ANKFY1: variants seen among roughly 807,000 people sequenced by gnomAD.
ANKFY1 encodes the protein ankyrin repeat and FYVE domain containing 1, also known as ankyrin repeat and FYVE domain-containing protein 1.
ANKFY1 carries 47 observed loss-of-function variants against 128.3 expected under a neutral mutation model. The ratio of observed to expected loss-of-function variants is 0.37; its 90% CI spans 0.29 to 0.47. ANKFY1 has a LOEUF of 0.47. ANKFY1 is among the 20% of genes least tolerant of loss of function. The pLI, the probability that ANKFY1 is intolerant of heterozygous loss-of-function variation, is 1.00. For synonymous variants in ANKFY1, 553 were observed against 601.6 expected (o/e 0.92, Z 1.18); for missense variants, 1,222 against 1,510.6 (o/e 0.81, Z 3.17).
rs751393460 is a variant in ANKFY1, at chr17:4,195,437, C to T, written c.1138G>A (p.Glu380Lys). The T allele has an allele frequency of 1.4e-5, 22 of 1,614,182 alleles. No homozygotes were observed. Among genetic ancestry groups the T allele is most frequent in the Non-Finnish European group, 1.8e-5 (21 of 1,180,024 alleles). The change falls in exon 9 of 25, where the codon GAA becomes AAA. Residue 380 changes from glutamate (E) to lysine (K), a missense_variant. Glu to Lys is a moderately conservative substitution (Grantham distance 56). Transcript: ENST00000341657. ...TGCAGCAGCTGACTGAACACATATT[C>T]ATTCCCGGCCATGATGGACACATGT... Reference protein sequence around the residue: ...PLHVSIMAGNEYVFSQLLQCK... With the variant: ...PLHVSIMAGNKYVFSQLLQCK...
chr17:4,219,701 G>C (rs1406975992), intron 3 of ANKFY1, among the ~76,000 whole-genome samples: 2 of 149,738 alleles, frequency 1.3e-5, no homozygotes, highest in Admixed American at 1.3e-4. Context: ...AAAACAACCA[G>C]ATATTAAAAG....
chr17:4,241,946 G>A (rs1033438804), intron 2 of ANKFY1, among the ~76,000 whole-genome samples: 5 of 151,698 alleles, frequency 3.3e-5, no homozygotes, highest in South Asian at 4.2e-4. Flanking sequence ...AAAATTAGCC[G>A]GGCACGGTGG....
At chr17:4,199,243 G>A (rs1280294537) in intron 7 of ANKFY1, among the ~76,000 whole-genome samples, 3 of 152,214 alleles carry the variant, frequency 2.0e-5, no homozygotes, top group African/African-American at 4.8e-5. Flanking sequence ...CCAGGCTGGT[G>A]CACTGGCACG....
chr17:4,252,127 G>A (rs1354344435), intron 1 of ANKFY1, among the ~76,000 whole-genome samples: 1 of 151,812 alleles, frequency 6.6e-6, no homozygotes, highest in African/African-American at 2.4e-5. Context: ...AAAAAAACTG[G>A]AGAGTTCACC....
chr17:4,172,810 C>A (rs1042624738), intron 21 of ANKFY1, 130 bp from the exon 22 acceptor site: 1 of 1,309,510 alleles, frequency 7.6e-7, no homozygotes, highest in East Asian at 2.4e-5. Flanking sequence ...AAAAGTTTTT[C>A]TTTTTCTTAT....
intron 21 of ANKFY1, among the ~76,000 whole-genome samples, chr17:4,172,953 G>A (rs554809626): frequency 1.3e-5 from 2 of 152,164 alleles, no homozygotes; most frequent in Admixed American, 1.3e-4. Context: ...TCCGCCTCCC[G>A]GGTTCACGCC....
At chr17:4,176,167 C>T (rs543349954) in intron 19 of ANKFY1, among the ~76,000 whole-genome samples, 3 of 152,322 alleles carry the variant, frequency 2.0e-5, no homozygotes, top group Non-Finnish European at 4.4e-5. Context: ...CTGGTGAGCC[C>T]GCCCCACACC....
Position 4,208,041 on chromosome 17 carries a change from C to T in ANKFY1, c.624G>A (p.Gln208=). ...RKEDFSSMSA[Q]LLYKMIKSKT... ...TGGATTTGATCATTTTGTATAACAA[C>T]TGAGCGCTCATGCTGCTGAAATCCT... Residue 208 remains glutamine, a synonymous_variant, in exon 6 of 25, where the codon CAG becomes CAA. Transcript: ENST00000341657. 2 of 1,610,728 alleles carry T rather than the reference C, an allele frequency of 1.2e-6. No homozygotes were observed. Among genetic ancestry groups the T allele is most frequent in the Non-Finnish European group, 1.7e-6 (2 of 1,178,728 alleles).
chr17:4,174,892 A>T lies in ANKFY1; in HGVS notation c.2776-836T>A, dbSNP rs562884658. Among the ~76,000 whole-genome samples, 8 of 151,636 alleles carry T rather than the reference A, an allele frequency of 5.3e-5. No individual in the cohort carries two copies. In the South Asian group the frequency reaches 1.7e-3, roughly 32 times the overall value. On this transcript the variant is annotated intron_variant, in intron 19 of 24. Transcript: ENST00000341657. ...CATGTGACCCTATACCTGGCTAATT[A>T]AAAAAAAGAAAAATTCTGTAGAGAC...
intron 3 of ANKFY1, among the ~76,000 whole-genome samples, chr17:4,226,958 T>C (rs190660911): frequency 6.6e-6 from 1 of 152,176 alleles, no homozygotes; most frequent in Non-Finnish European, 1.5e-5. Context: ...AAATTCATAG[T>C]AACAAATTCA....
chr17:4,205,852 GA>G (rs2060013660), intron 7 of ANKFY1, among the ~76,000 whole-genome samples: 1 of 152,142 alleles, frequency 6.6e-6, no homozygotes, highest in African/African-American at 2.4e-5. Context: ...AACTCTGCTA[GA>G]ACAAAATGAA....
At chr17:4,244,160 G>A (rs1378400038) in intron 1 of ANKFY1, among the ~76,000 whole-genome samples, 2 of 152,042 alleles carry the variant, frequency 1.3e-5, no homozygotes, top group Admixed American at 6.6e-5. Flanking sequence ...CAGACTCCTG[G>A]CCTCAAGTGA....
Position 4,167,686 on chromosome 17 carries a change from G to C in ANKFY1, c.*93C>G. ...AGTCTATTGCCGCAGGAAGACACCC[G>C]CCAGCTCCTGCTCTGGGTGGGGTCA... On this transcript the variant is annotated 3_prime_UTR_variant, in exon 25 of 25. Transcript: ENST00000341657. This position sits in a 1 kb window ranked among gnomAD's most constrained non-coding sequence, Gnocchi z 4.1. The C allele has an allele frequency of 7.6e-7, 1 of 1,315,978 alleles. No individual in the cohort carries two copies. The highest frequency in any genetic ancestry group is 1.0e-6 in the Non-Finnish European group (1 of 984,482). The allele number at this position is 1,315,978 out of a possible 1,614,324, so 81.5% of individuals were successfully genotyped here.
intron 2 of ANKFY1, among the ~76,000 whole-genome samples, chr17:4,241,753 TC>T (rs1967236482): frequency 6.6e-6 from 1 of 151,846 alleles, no homozygotes; most frequent in Admixed American, 6.6e-5. Context: ...TCACCATGAC[TC>T]CCGCACTCTT....
rs1327628473 is a variant in ANKFY1 at position 4,197,421 on chromosome 17, G to C, written c.1055C>G (p.Ala352Gly). The C allele has an allele frequency of 6.2e-7, 1 of 1,614,180 alleles. No individual in the cohort carries two copies. The highest frequency in any genetic ancestry group is 1.7e-5 in the Admixed American group (1 of 60,026). ...GGGGTTGGCACCAGCCTGCAGAAGG[G>C]CCTCTGCAATCTGCGCCATCTCAGA... ...VMSEMAQIAEALLQAGANPNM... is the reference protein window; with the variant it reads ...VMSEMAQIAEGLLQAGANPNM... The change falls in exon 8 of 25, where the codon GCC (alanine) becomes GGC (glycine). Residue 352 changes from alanine (A) to glycine (G), a missense_variant. Transcript: ENST00000341657.
At chr17:4,202,695 T>TAA (rs2059953713) in intron 7 of ANKFY1, among the ~76,000 whole-genome samples, 1 of 13,508 alleles carries the variant, frequency 7.4e-5, no homozygotes, top group African/African-American at 3.0e-4. Context: ...AAACTCCGTC[T>TAA]CAAAAAAAAA....
chr17:4,184,037 A>G, intron 12 of ANKFY1, 127 bp from the exon 13 acceptor site: 1 of 743,334 alleles, frequency 1.3e-6, no homozygotes, highest in Non-Finnish European at 2.2e-6. Flanking sequence ...AAAAGAGAGT[A>G]GATAAATCTT....
intron 1 of ANKFY1, among the ~76,000 whole-genome samples, chr17:4,252,865 G>A (rs8068429): frequency 0.4 from 60,695 of 152,018 alleles, 12,395 homozygotes; most frequent in African/African-American, 0.46. Context: ...TAAAACAGAA[G>A]GGACTGATAC....
intron 3 of ANKFY1, among the ~76,000 whole-genome samples, chr17:4,224,663 TG>T (rs2060392806): frequency 2.6e-5 from 2 of 77,014 alleles, no homozygotes; most frequent in Non-Finnish European, 7.4e-5. Context: ...GAAAACTGTT[TG>T]TTTGTTTTTT....
Sources: gnomAD v4.1 joint callset for allele counts (sites outside exome capture counted in the v4.1 genomes callset) on GRCh38, gnomAD v4.1.1 for gene constraint, Gnocchi (gnomAD v3.1) non-coding constraint, MANE v1.5 for transcripts, NCBI Gene and HGNC (gene_info 2026-07-23, HGNC 2026-07-21) for gene names.